ALDH1A2: variants seen among roughly 807,000 people sequenced by gnomAD.
ALDH1A2 encodes retinal dehydrogenase 2.
In ALDH1A2, 27 loss-of-function variants were observed where a neutral mutation model predicts 60.3. That is an observed-to-expected ratio of 0.45 (90% confidence interval 0.33 to 0.62). The LOEUF (loss-of-function observed/expected upper bound fraction) is 0.62. Ranked by LOEUF, ALDH1A2 falls within the 20% of genes least tolerant of loss-of-function variation. The pLI is 0.02. For synonymous variants in ALDH1A2, 289 were observed against 232.4 expected (o/e 1.24, Z -2.21); for missense variants, 581 against 643.8 (o/e 0.90, Z 1.06).
rs777895041 is a variant in ALDH1A2, at chr15:58,059,685, T to C, written c.117+5849A>G. Among the ~76,000 whole-genome samples the C allele has an allele frequency of 9.8e-5, 15 of 152,294 alleles. No homozygotes were observed. The South Asian group carries it at 1.0e-3, about 11-fold the overall frequency. On this transcript the variant is annotated intron_variant, in intron 1 of 12. Coordinates refer to ENST00000249750, the MANE Select transcript of ALDH1A2 (RefSeq NM_003888.4). ...ATATTTTGGCACAAATGTCAAGATA[T>C]CTAATTTTATTATTAAAATACTGTC... is the stretch of plus-strand genomic sequence containing the variant.
chr15:58,061,279 T>TA (rs4646562), intron 1 of ALDH1A2, among the ~76,000 whole-genome samples: 8,274 of 148,412 alleles, frequency 0.056, 373 homozygotes, highest in African/African-American at 0.12. Flanking sequence ...AAAAAGTATT[T>TA]AAAAAAAAAA....
chr15:57,993,767 C>A (rs1329486624), intron 5 of ALDH1A2, among the ~76,000 whole-genome samples: 2 of 152,146 alleles, frequency 1.3e-5, no homozygotes, highest in East Asian at 3.9e-4. Flanking sequence ...CAGGCATGAG[C>A]CTCAGTACTA....
chr15:57,954,994 A>C lies in ALDH1A2; in HGVS notation c.*203T>G. On this transcript the variant is annotated 3_prime_UTR_variant, in exon 13 of 13. Coordinates refer to ENST00000249750, the MANE Select transcript of ALDH1A2 (RefSeq NM_003888.4). ...CTTTCCCCAATATTTGGTATGATTA[A>C]GGTGGCCCCTTACAGAGTGCCAAGA... 1 of 641,100 alleles carries C rather than the reference A, an allele frequency of 1.6e-6. No homozygotes were observed. Among genetic ancestry groups the C allele is most frequent in the Admixed American group, 2.4e-5 (1 of 41,856 alleles). The allele number at this position is 641,100 out of a possible 1,614,324, so 39.7% of individuals were successfully genotyped here.
chr15:58,055,121 T>C (rs892969682), intron 1 of ALDH1A2, among the ~76,000 whole-genome samples: 6 of 152,132 alleles, frequency 3.9e-5, no homozygotes, highest in Non-Finnish European at 7.4e-5. Context: ...GTTATTATGT[T>C]TGTCCTTATT....
At chr15:57,972,533 A>G (rs1223849786) in intron 7 of ALDH1A2, among the ~76,000 whole-genome samples, 1 of 152,200 alleles carries the variant, frequency 6.6e-6, no homozygotes, top group Non-Finnish European at 1.5e-5. Context: ...ACACCTTAGG[A>G]CCTGCTCAAA....
At chr15:58,014,441 T>C (rs766034352) in intron 1 of ALDH1A2, 160 bp from the exon 2 acceptor site, 11 of 699,596 alleles carry the variant, frequency 1.6e-5, no homozygotes, top group Non-Finnish European at 2.6e-5. Flanking sequence ...AACGCCAATT[T>C]AGGAATTTCC....
intron 4 of ALDH1A2, among the ~76,000 whole-genome samples, chr15:57,997,721 C>T (rs537848886): frequency 9.9e-5 from 15 of 151,936 alleles, no homozygotes; most frequent in Admixed American, 6.6e-4. Context: ...TCTTAAAAGT[C>T]GGACCTCATG....
rs1454844275 is a variant in ALDH1A2 at position 57,953,486 on chromosome 15, GAA to G, written c.*1709_*1710del. On this transcript the variant is annotated 3_prime_UTR_variant, in exon 13 of 13. Transcript: ENST00000249750. ...AGGTTTCTTTTTAAGTAAATTAAAA[GAA>G]ATAAATCTTCATTTTCACATTTTTT... The G allele has an allele frequency of 6.5e-6, 1 of 152,708 alleles. No individual in the cohort carries two copies. Among genetic ancestry groups the G allele is most frequent in the Non-Finnish European group, 1.5e-5 (1 of 68,022 alleles). The allele number at this position is 152,708 out of a possible 1,614,324, so 9.5% of individuals were successfully genotyped here.
intron 9 of ALDH1A2, 145 bp downstream of exon 9, chr15:57,963,740 C>G (rs1596066659): frequency 1.3e-6 from 1 of 796,298 alleles, no homozygotes; most frequent in Admixed American, 2.5e-5. Flanking sequence ...CTCTCTGGCT[C>G]CATTTCCAGC....
At chr15:58,036,239 T>A (rs1395382504) in intron 1 of ALDH1A2, among the ~76,000 whole-genome samples, 2 of 151,604 alleles carry the variant, frequency 1.3e-5, no homozygotes, top group African/African-American at 4.8e-5. Flanking sequence ...ACAAGATCAA[T>A]ATATAATCAA....
chr15:58,058,254 T>C, intron 1 of ALDH1A2: 1 of 552,882 alleles, frequency 1.8e-6, no homozygotes. Context: ...ATCTGGTATA[T>C]GAGTGTTAGG....
Position 57,964,072 on chromosome 15 carries a change from A to G in ALDH1A2, c.902-3T>C. 6.2e-7 allele frequency: 1 copy of G among 1,613,966 alleles called. No homozygotes were observed. Among genetic ancestry groups the G allele is most frequent in the Non-Finnish European group, 8.5e-7 (1 of 1,179,982 alleles). Reference sequence around the variant, plus strand: ...GGCCTGCTCCACAGCATAGTCCACTACAAGAGGAAACAGCCATGTTCTCAC... The same window carrying G: ...GGCCTGCTCCACAGCATAGTCCACTGCAAGAGGAAACAGCCATGTTCTCAC... On this transcript the variant is annotated splice_polypyrimidine_tract_variant and splice_region_variant and intron_variant, in intron 8 of 12. Transcript: ENST00000249750.
Position 57,992,830 on chromosome 15 carries a change from G to A in ALDH1A2, c.685-12C>T, listed in dbSNP as rs192725446. On this transcript the variant is annotated splice_polypyrimidine_tract_variant and intron_variant, in intron 6 of 12. Coordinates refer to ENST00000249750, the MANE Select transcript of ALDH1A2 (RefSeq NM_003888.4). ...GGAGGAAAGCCAGCCTAAGAAAACA[G>A]AACAGGAGGAAACGTGGCTGATGAA... 138 of 1,613,884 alleles carry A rather than the reference G, an allele frequency of 8.6e-5. 1 individual carries two copies. Among genetic ancestry groups the A allele is most frequent in the Admixed American group, 7.5e-4 (45 of 60,014 alleles).
chr15:58,054,769 G>T (rs1896854902), intron 1 of ALDH1A2, among the ~76,000 whole-genome samples: 1 of 152,068 alleles, frequency 6.6e-6, no homozygotes, highest in South Asian at 2.1e-4. Flanking sequence ...AAACAAAACA[G>T]ATCAAATAAA....
chr15:58,064,550 G>A (rs762288644), intron 1 of ALDH1A2, among the ~76,000 whole-genome samples: 6 of 152,152 alleles, frequency 3.9e-5, no homozygotes, highest in Non-Finnish European at 5.9e-5. Context: ...ATGCATGTGC[G>A]TCTATGCGTT....
chr15:58,054,973 G>A (rs759756373), intron 1 of ALDH1A2, among the ~76,000 whole-genome samples: 5 of 151,850 alleles, frequency 3.3e-5, no homozygotes, highest in Non-Finnish European at 4.4e-5. Flanking sequence ...TGATAGCTGC[G>A]GACAATACTG....
intron 5 of ALDH1A2, among the ~76,000 whole-genome samples, chr15:57,994,154 A>G (rs1253886520): frequency 1.3e-5 from 2 of 152,222 alleles, no homozygotes; most frequent in Non-Finnish European, 2.9e-5. Context: ...GAGGAAGGTG[A>G]CAGACCTCAT....
chr15:58,012,274 T>C (rs1323296284), intron 3 of ALDH1A2: 3 of 152,182 alleles, frequency 2.0e-5, no homozygotes, highest in African/African-American at 7.2e-5. Flanking sequence ...ATATCATATA[T>C]CTTTAGCTCA....
At chr15:58,058,571 T>G (rs1322996254) in intron 1 of ALDH1A2, among the ~76,000 whole-genome samples, 1 of 151,864 alleles carries the variant, frequency 6.6e-6, no homozygotes, top group African/African-American at 2.4e-5. Flanking sequence ...AAAATATAAC[T>G]TTTTAATATT....
Sources: gnomAD v4.1 joint callset for allele counts (sites outside exome capture counted in the v4.1 genomes callset) on GRCh38, gnomAD v4.1.1 for gene constraint, MANE v1.5 for transcripts, NCBI Gene and HGNC (gene_info 2026-07-23, HGNC 2026-07-21) for gene names.